Variants in SLC25A27 observed in about 807,000 individuals in gnomAD.
SLC25A27 encodes solute carrier family 25 member 27.
Under a neutral mutation model 49.1 loss-of-function variants are expected in SLC25A27, and 35 were observed. The observed-to-expected ratio is 0.71, with a 90% confidence interval of 0.54 to 0.95. The LOEUF (loss-of-function observed/expected upper bound fraction) is 0.95. Among genes scored for constraint, SLC25A27 ranks in the 40% least tolerant of loss-of-function variants. The pLI is 0.00. For synonymous variants in SLC25A27, 144 were observed against 136.9 expected (o/e 1.05, Z -0.36); for missense variants, 339 against 397.1 (o/e 0.85, Z 1.24).
chr6:46,654,413 G>A (rs755640467), intron 1 of SLC25A27, among the ~76,000 whole-genome samples: 6 of 151,934 alleles, frequency 3.9e-5, no homozygotes, highest in Non-Finnish European at 8.8e-5. Flanking sequence ...ACTTTTCATT[G>A]TTTTTACTGA....
intron 8 of SLC25A27, among the ~76,000 whole-genome samples, chr6:46,676,132 A>C (rs979398599): frequency 6.6e-6 from 1 of 152,212 alleles, no homozygotes; most frequent in African/African-American, 2.4e-5. Flanking sequence ...CAGTGGTCTC[A>C]TCTGAAAATC....
At chr6:46,669,701 A>C (rs987318692) in intron 6 of SLC25A27, among the ~76,000 whole-genome samples, 4 of 152,224 alleles carry the variant, frequency 2.6e-5, no homozygotes, top group Middle Eastern at 3.4e-3. Context: ...CTTCATATAC[A>C]TGTGTCCTTT....
In SLC25A27 at chr6:46,653,244, C is replaced by T; in HGVS notation, c.52C>T (p.Pro18Ser). 4 of 1,613,704 alleles carry T rather than the reference C, an allele frequency of 2.5e-6. No individual in the cohort carries two copies. The highest frequency in any genetic ancestry group is 3.4e-6 in the Non-Finnish European group (4 of 1,179,762). ...ERLLPLTQRW[P>S]RASKFLLSGC... The stretch of plus-strand genomic sequence containing the variant: ...GCTTTTGCCGCTGACCCAGAGATGG[C>T]CCCGAGCGAGCAAATTCCTACTGTC... The change falls in exon 1 of 9, where the codon CCC becomes TCC. Residue 18 changes from proline (P) to serine (S), a missense_variant. Pro to Ser is a moderately conservative substitution (Grantham distance 74). Coordinates refer to ENST00000371347, the MANE Select transcript of SLC25A27 (RefSeq NM_004277.5).
intron 2 of SLC25A27, among the ~76,000 whole-genome samples, chr6:46,656,448 C>A (rs1049205036): frequency 1.3e-5 from 2 of 151,664 alleles, no homozygotes; most frequent in Admixed American, 1.3e-4. Flanking sequence ...CGAGTTCAAG[C>A]GATTCTCCTG....
rs1763858935 is a variant in SLC25A27 at position 46,678,015 on chromosome 6, T to C, written c.*1561T>C. 1 of 130,388 alleles carries C rather than the reference T, an allele frequency of 7.7e-6. No homozygotes were observed. Among genetic ancestry groups the C allele is most frequent in the Non-Finnish European group, 1.6e-5 (1 of 60,800 alleles). 8.1% of individuals were successfully genotyped at this position (130,388 alleles called of 1,614,324 possible). A position where few individuals can be genotyped will look rare whatever the true frequency, so the allele number is the denominator to read the frequency against. The stretch of plus-strand genomic sequence containing the variant: ...TTTCATTGAATTTGTCAATATGTAA[T>C]TGCGTTGTAAAATATTATATATATA... On this transcript the variant is annotated 3_prime_UTR_variant, in exon 9 of 9. Coordinates refer to ENST00000371347, the MANE Select transcript of SLC25A27 (RefSeq NM_004277.5).
chr6:46,674,621 G>T (rs1286933090), intron 8 of SLC25A27, among the ~76,000 whole-genome samples: 1 of 152,156 alleles, frequency 6.6e-6, no homozygotes, highest in African/African-American at 2.4e-5. Flanking sequence ...AATTGGCCTT[G>T]AAAATACAGA....
At chr6:46,667,392 T>C (rs1173348422) in intron 5 of SLC25A27, among the ~76,000 whole-genome samples, 1 of 152,224 alleles carries the variant, frequency 6.6e-6, no homozygotes, top group Non-Finnish European at 1.5e-5. Context: ...TATTGAGTTC[T>C]ATTAAGTTCC....
At chr6:46,657,775 G>A (rs962538312) in intron 2 of SLC25A27, among the ~76,000 whole-genome samples, 1 of 152,072 alleles carries the variant, frequency 6.6e-6, no homozygotes, top group Non-Finnish European at 1.5e-5. Context: ...TCTAAGACCA[G>A]GCTACTCTGA....
intron 7 of SLC25A27, 138 bp downstream of exon 7, chr6:46,670,365 C>T (rs1763484495): frequency 8.2e-6 from 5 of 607,936 alleles, no homozygotes; most frequent in Non-Finnish European, 1.4e-5. Flanking sequence ...TTTTTTTATG[C>T]AATTACCTGC....
At chr6:46,669,658 G>T (rs1763451161) in intron 6 of SLC25A27, among the ~76,000 whole-genome samples, 1 of 152,092 alleles carries the variant, frequency 6.6e-6, no homozygotes, top group Non-Finnish European at 1.5e-5. Context: ...TGCATGTACT[G>T]TTCTATCTTC....
intron 3 of SLC25A27, among the ~76,000 whole-genome samples, chr6:46,659,591 C>T (rs1237643981): frequency 1.3e-5 from 2 of 152,128 alleles, no homozygotes; most frequent in African/African-American, 2.4e-5. Context: ...GGGTGGCTCA[C>T]GCCTGTAATC....
intron 8 of SLC25A27, among the ~76,000 whole-genome samples, chr6:46,675,881 T>TG (rs887426767): frequency 6.6e-6 from 1 of 152,194 alleles, no homozygotes; most frequent in Non-Finnish European, 1.5e-5. Flanking sequence ...CATCAGGTGT[T>TG]GGTTTTATGA....
chr6:46,663,013 T>A (rs945954983), intron 4 of SLC25A27, among the ~76,000 whole-genome samples: 3 of 152,222 alleles, frequency 2.0e-5, no homozygotes, highest in Non-Finnish European at 2.9e-5. Context: ...CCCAACTTTC[T>A]TGTTGAATCT....
At chr6:46,654,494 T>C (rs1388780471) in intron 1 of SLC25A27, among the ~76,000 whole-genome samples, 1 of 152,194 alleles carries the variant, frequency 6.6e-6, no homozygotes, top group Non-Finnish European at 1.5e-5. Flanking sequence ...TTATTTTTAA[T>C]TGATGTGTCC....
chr6:46,656,014 C>T lies in SLC25A27; in HGVS notation c.278C>T (p.Pro93Leu). The change falls in exon 2 of 9, where the codon CCC becomes CTC. Residue 93 changes from proline to leucine, a missense_variant. Pro to Leu is a moderately conservative substitution (Grantham distance 98, BLOSUM62 -3). Coordinates refer to ENST00000371347, the MANE Select transcript of SLC25A27 (RefSeq NM_004277.5). Reference sequence around the variant, plus strand: ...CTAAAGCTTTGGCAAGGAGTGACACCCGCCATTTACAGACACGTAGGTATT... The same window carrying T: ...CTAAAGCTTTGGCAAGGAGTGACACTCGCCATTTACAGACACGTAGGTATT... ...GFLKLWQGVT[P>L]AIYRHVVYSG... The T allele has an allele frequency of 6.2e-7, 1 of 1,610,212 alleles. No homozygotes were observed.
intron 2 of SLC25A27, 94 bp from the exon 3 acceptor site, chr6:46,658,868 T>C (rs1490027078): frequency 2.3e-6 from 2 of 887,604 alleles, no homozygotes; most frequent in Non-Finnish European, 3.8e-6. Context: ...AGAGATTGAC[T>C]AGGCCATGTC....
At chr6:46,673,607 C>A (rs1267960082) in intron 8 of SLC25A27, among the ~76,000 whole-genome samples, 3 of 152,158 alleles carry the variant, frequency 2.0e-5, no homozygotes, top group Admixed American at 1.3e-4. Context: ...GCATAGGCAT[C>A]ATGTCATGTG....
chr6:46,659,447 G>GT (rs1763090144), intron 3 of SLC25A27, among the ~76,000 whole-genome samples: 2 of 152,126 alleles, frequency 1.3e-5, no homozygotes, highest in Non-Finnish European at 2.9e-5. Flanking sequence ...ACCATTAAGT[G>GT]TTTTTATAGG....
intron 5 of SLC25A27, among the ~76,000 whole-genome samples, chr6:46,666,072 GTTC>G (rs1763317244): frequency 1.3e-5 from 2 of 152,158 alleles, no homozygotes; most frequent in Admixed American, 1.3e-4. Context: ...ATACCAAACT[GTTC>G]TTCACCTCTG....
Sources: gnomAD v4.1 joint callset for allele counts (sites outside exome capture counted in the v4.1 genomes callset) on GRCh38, gnomAD v4.1.1 for gene constraint, MANE v1.5 for transcripts, NCBI Gene and HGNC (gene_info 2026-07-23, HGNC 2026-07-21) for gene names.